The following CAB39L variants were observed in gnomAD, a reference collection of about 807,000 sequenced individuals.
CAB39L encodes calcium binding protein 39 like.
A neutral mutation model predicts 39.1 loss-of-function variants in CAB39L; 23 were observed. The observed-to-expected ratio is 0.59, with a 90% CI of 0.42 to 0.83. The LOEUF is 0.83. Among genes scored for constraint, CAB39L ranks in the 40% least tolerant of loss-of-function variants. CAB39L has a pLI of 0.00. For missense variants in CAB39L, 366 were observed against 391.9 expected, an observed-to-expected ratio of 0.93 and a Z score of 0.56; for synonymous variants, 126 against 137.2, an observed-to-expected ratio of 0.92 and a Z score of 0.57.
In CAB39L at chr13:49,421,780, C is replaced by T. The variant is rs181605853; in HGVS notation, c.-32+11538G>A. ...CAAACCCCCTCCCCTAGGTGGTCAA[C>T]TGAGAACAGGGAGAGAACCAAGCCC... On this transcript the variant is annotated intron_variant, in intron 3 of 10. Coordinates refer to ENST00000409308, the MANE Select transcript of CAB39L (RefSeq NM_001079670.3). 9.3e-4 allele frequency among the ~76,000 whole-genome samples: 141 copies of T among 152,176 alleles called. 2 individuals carry two copies. Among genetic ancestry groups the T allele is most frequent in the Non-Finnish European group, 7.2e-4 (49 of 68,002 alleles).
chr13:49,434,920 TC>T (rs545649885), intron 1 of CAB39L, among the ~76,000 whole-genome samples: 361 of 152,318 alleles, frequency 2.4e-3, no homozygotes, highest in Middle Eastern at 0.01. Flanking sequence ...TTCAGATTTT[TC>T]TTTCATTCTA....
rs1173963019 is a variant in CAB39L at position 49,385,618 on chromosome 13, T to C, written c.-31-2677A>G. 4.0e-4 allele frequency among the ~76,000 whole-genome samples: 61 copies of C among 152,186 alleles called. 1 individual carries two copies. The highest frequency in any genetic ancestry group is 1.5e-5 in the Non-Finnish European group (1 of 68,028). ...CCATCTTTTGATTTAAAGTGAGAGA[T>C]ATGTGACTCTTCCTTTTCCTTGAAC... On this transcript the variant is annotated intron_variant, in intron 3 of 10. Coordinates refer to ENST00000409308, the MANE Select transcript of CAB39L (RefSeq NM_001079670.3).
chr13:49,333,568 CTTTTTTTTTTTTT>C (rs796079933), intron 9 of CAB39L, among the ~76,000 whole-genome samples: 1 of 111,858 alleles, frequency 8.9e-6, no homozygotes, highest in African/African-American at 3.7e-5. Context: ...TTCTTTCTTT[CTTTTTTTTTTTTT>C]TTTTTTTTGA....
At chr13:49,381,235 C>A (rs1436549469) in intron 4 of CAB39L, among the ~76,000 whole-genome samples, 1 of 152,186 alleles carries the variant, frequency 6.6e-6, no homozygotes, top group East Asian at 1.9e-4. Flanking sequence ...GCTGACACTA[C>A]TTTTAAAAAG....
At chr13:49,366,833 T>C (rs538182230) in intron 5 of CAB39L, among the ~76,000 whole-genome samples, 1 of 152,162 alleles carries the variant, frequency 6.6e-6, no homozygotes, top group South Asian at 2.1e-4. Flanking sequence ...CTGACCAACG[T>C]GGTGAAACCT....
intron 5 of CAB39L, among the ~76,000 whole-genome samples, chr13:49,370,964 A>C (rs537030129): frequency 1.3e-5 from 2 of 152,254 alleles, no homozygotes; most frequent in South Asian, 4.1e-4. Flanking sequence ...TAAATTCTTT[A>C]ATTTGTCCAG....
rs112270219 is a variant in CAB39L, at chr13:49,351,159, G to GA, written c.396-248_396-247insT. The GA allele has an allele frequency of 4.7e-3, 1,557 of 332,704 alleles. 20 individuals are homozygous for GA. The highest frequency in any genetic ancestry group is 0.031 in the African/African-American group (1,468 of 46,830). The allele number at this position is 332,704 out of a possible 1,614,324, so 20.6% of individuals were successfully genotyped here. A position where few individuals can be genotyped will look rare whatever the true frequency, so the allele number is the denominator to read the frequency against. ...GAACATGGTGACAGCTGGGGGTGGG[G>GA]GGATGAGGCAGAATGTAAACAATGA... is the stretch of plus-strand genomic sequence containing the variant. On this transcript the variant is annotated intron_variant, in intron 6 of 10. Transcript: ENST00000409308.
intron 3 of CAB39L, among the ~76,000 whole-genome samples, chr13:49,419,075 C>T (rs1325093285): frequency 5.3e-5 from 8 of 152,114 alleles, no homozygotes; most frequent in Admixed American, 5.2e-4. Context: ...TCAAGTGATT[C>T]TCTTGCCTCA....
intron 3 of CAB39L, among the ~76,000 whole-genome samples, chr13:49,417,254 C>A (rs1437666337): frequency 6.6e-6 from 1 of 152,106 alleles, no homozygotes; most frequent in Admixed American, 6.5e-5. Context: ...GTATACCAGC[C>A]AATGATTTTA....
chr13:49,413,383 A>G (rs1033884871), intron 3 of CAB39L, among the ~76,000 whole-genome samples: 5 of 152,182 alleles, frequency 3.3e-5, no homozygotes, highest in Admixed American at 3.3e-4. Flanking sequence ...ATTTGTTAGC[A>G]AATACCTAAG....
intron 4 of CAB39L, among the ~76,000 whole-genome samples, chr13:49,377,389 C>A (rs1292628509): frequency 1.1e-5 from 1 of 89,600 alleles, no homozygotes; most frequent in Non-Finnish European, 2.3e-5. Flanking sequence ...ACTTTTTCGG[C>A]TCTCCCTCTC....
chr13:49,310,757 A>AAAT lies in CAB39L; in HGVS notation c.*56_*57insATT. ...AAGAATGATGACTTTCTGAAATGAC[A>AAAT]CACTGTACAAACTGGACAAATGAGA... On this transcript the variant is annotated 3_prime_UTR_variant, in exon 11 of 11. Coordinates refer to ENST00000409308, the MANE Select transcript of CAB39L (RefSeq NM_001079670.3). The AAAT allele has an allele frequency of 6.5e-7, 1 of 1,537,424 alleles. No homozygotes were observed. Among genetic ancestry groups the AAAT allele is most frequent in the Non-Finnish European group, 8.8e-7 (1 of 1,132,358 alleles).
chr13:49,311,308 G>A (rs1953981359), intron 10 of CAB39L, among the ~76,000 whole-genome samples: 1 of 152,118 alleles, frequency 6.6e-6, no homozygotes. Flanking sequence ...GGTGATGCTG[G>A]TGTAAACAAA....
chr13:49,332,085 T>G lies in CAB39L; in HGVS notation c.696A>C (p.Leu232=), dbSNP rs756924758. ...YVTKRQSLKL[L]GELILDRHNF... is the part of the protein sequence containing the mutation. ...TGTGACGGTCCAGGATCAGCTCCCC[T>G]AGCAGCTAGAGGAAAACACAAAACC... Residue 232 remains leucine, a synonymous_variant, in exon 10 of 11, where the codon CTA becomes CTC. Transcript: ENST00000409308. 6.2e-7 allele frequency: 1 copy of G among 1,613,668 alleles called. No homozygotes were observed. The highest frequency in any genetic ancestry group is 1.7e-5 in the Admixed American group (1 of 59,984).
At chr13:49,355,260 T>C (rs1955454332) in intron 6 of CAB39L, among the ~76,000 whole-genome samples, 1 of 151,812 alleles carries the variant, frequency 6.6e-6, no homozygotes, top group Admixed American at 6.6e-5. Context: ...CATGCACTTG[T>C]AGTCCCGGCT....
intron 10 of CAB39L, among the ~76,000 whole-genome samples, chr13:49,318,002 A>AT (rs1954212922): frequency 6.6e-6 from 1 of 152,214 alleles, no homozygotes; most frequent in Non-Finnish European, 1.5e-5. Context: ...CAATAAGCAC[A>AT]TTTTTAAAAT....
intron 3 of CAB39L, among the ~76,000 whole-genome samples, chr13:49,421,429 G>T (rs1437586115): frequency 6.6e-6 from 1 of 152,204 alleles, no homozygotes; most frequent in Non-Finnish European, 1.5e-5. Flanking sequence ...CAAGGGGAAA[G>T]TTGGGACATT....
chr13:49,423,379 T>G (rs977663636), intron 3 of CAB39L, among the ~76,000 whole-genome samples: 5 of 152,054 alleles, frequency 3.3e-5, no homozygotes, highest in African/African-American at 9.7e-5. Flanking sequence ...GAAGCCTAAC[T>G]CTAGTGAAGC....
chr13:49,422,697 C>CTG (rs931001091), intron 3 of CAB39L, among the ~76,000 whole-genome samples: 3 of 152,018 alleles, frequency 2.0e-5, no homozygotes, highest in Non-Finnish European at 4.4e-5. Flanking sequence ...ATCCTCCCAC[C>CTG]TCAGCCTCCT....
Sources: gnomAD v4.1 joint callset for allele counts (sites outside exome capture counted in the v4.1 genomes callset) on GRCh38, gnomAD v4.1.1 for gene constraint, MANE v1.5 for transcripts, NCBI Gene and HGNC (gene_info 2026-07-23, HGNC 2026-07-21) for gene names.